Variants in MARCHF1 observed in about 807,000 individuals in gnomAD.
MARCHF1 encodes membrane associated ring-CH-type finger 1, also known as E3 ubiquitin-protein ligase MARCHF1.
In MARCHF1, 40 loss-of-function variants were observed where a neutral mutation model predicts 54.2. The ratio of observed to expected loss-of-function variants is 0.74; its 90% CI spans 0.57 to 0.96. The LOEUF (loss-of-function observed/expected upper bound fraction) is 0.96. Ranked by LOEUF, MARCHF1 falls within the 40% of genes least tolerant of loss-of-function variation. The probability of loss-of-function intolerance (pLI) is 0.00; values close to 1 mark genes in which losing one functional copy is unlikely to be tolerated. For synonymous variants in MARCHF1, 236 were observed against 236.3 expected (o/e 1.00, Z 0.01); for missense variants, 586 against 656.5 (o/e 0.89, Z 1.17).
At chr4:163,666,672 C>A (rs1314664972) in intron 5 of MARCHF1, among the ~76,000 whole-genome samples, 1 of 151,876 alleles carries the variant, frequency 6.6e-6, no homozygotes, top group Non-Finnish European at 1.5e-5. Flanking sequence ...ACAGTAGGAT[C>A]AGACAGAAGA....
chr4:163,866,044 A>G (rs905235021), intron 3 of MARCHF1, among the ~76,000 whole-genome samples: 44 of 151,834 alleles, frequency 2.9e-4, no homozygotes, highest in African/African-American at 9.9e-4. Flanking sequence ...ACTCTTCTAA[A>G]AGAGTTATAT....
At chr4:163,721,640 C>A (rs1317547232) in intron 4 of MARCHF1, among the ~76,000 whole-genome samples, 1 of 152,134 alleles carries the variant, frequency 6.6e-6, no homozygotes, top group Non-Finnish European at 1.5e-5. Context: ...TAGAATTCGG[C>A]TGTAAATCCA....
In MARCHF1 at chr4:163,837,132, C is replaced by T. The variant is rs370958225; in HGVS notation, c.111+16889G>A. ...TTGGTGGATTCAGAATCAAACATACCATTTTCATGAATCACAATTAAGGGA... is the reference window on the plus strand; with the variant it reads ...TTGGTGGATTCAGAATCAAACATACTATTTTCATGAATCACAATTAAGGGA... On this transcript the variant is annotated intron_variant, in intron 4 of 9. Coordinates refer to ENST00000514618, the MANE Select transcript of MARCHF1 (RefSeq NM_001394959.1). 2.0e-5 allele frequency among the ~76,000 whole-genome samples: 3 copies of T among 152,122 alleles called. No individual in the cohort carries two copies. In the East Asian group the frequency reaches 5.8e-4, roughly 29 times the overall value.
intron 1 of MARCHF1, among the ~76,000 whole-genome samples, chr4:164,163,052 C>A (rs1730281321): frequency 6.6e-6 from 1 of 151,896 alleles, no homozygotes; most frequent in Admixed American, 6.6e-5. Flanking sequence ...ATGAAGAAGA[C>A]AAATTAAGAA....
At chr4:164,112,498 T>G (rs1202694122) in intron 1 of MARCHF1, among the ~76,000 whole-genome samples, 1 of 151,918 alleles carries the variant, frequency 6.6e-6, no homozygotes, top group African/African-American at 2.4e-5. Flanking sequence ...TGATCATTTT[T>G]TCAAAGAATG....
At chr4:163,855,433 A>G (rs1749745086) in intron 3 of MARCHF1, among the ~76,000 whole-genome samples, 5 of 152,190 alleles carry the variant, frequency 3.3e-5, no homozygotes, top group Admixed American at 3.3e-4. Flanking sequence ...TCAATACAAA[A>G]TCTGCATATT....
intron 1 of MARCHF1, among the ~76,000 whole-genome samples, chr4:164,132,838 T>C (rs1354455419): frequency 6.6e-6 from 1 of 152,176 alleles, no homozygotes; most frequent in Non-Finnish European, 1.5e-5. Flanking sequence ...TGTATATTTA[T>C]TTATAAATTA....
rs369421941 is a variant in MARCHF1 at position 164,144,262 on chromosome 4, T to C, written c.-322-32600A>G. ...CCACTGTCAACATTAGACAGATCAATGAGACAGAAAGTCAACAAGGATACC... is the reference window on the plus strand; with the variant it reads ...CCACTGTCAACATTAGACAGATCAACGAGACAGAAAGTCAACAAGGATACC... On this transcript the variant is annotated intron_variant, in intron 1 of 9. Transcript: ENST00000514618. Among the ~76,000 whole-genome samples, 94 of 151,504 alleles carry C rather than the reference T, an allele frequency of 6.2e-4. 1 individual carries two copies. The highest frequency in any genetic ancestry group is 8.5e-4 in the African/African-American group (35 of 40,978).
intron 1 of MARCHF1, among the ~76,000 whole-genome samples, chr4:164,254,903 A>T (rs1733234961): frequency 6.6e-6 from 1 of 152,198 alleles, no homozygotes; most frequent in South Asian, 2.1e-4. Context: ...AGACACACCC[A>T]GGATTAATAC....
At chr4:163,602,065 G>T (rs1164377534) in intron 7 of MARCHF1, among the ~76,000 whole-genome samples, 1 of 151,558 alleles carries the variant, frequency 6.6e-6, no homozygotes, top group African/African-American at 2.4e-5. Flanking sequence ...AAGATAACAT[G>T]CCATTTCTAC....
At chr4:163,786,520 A>T (rs944830641) in intron 4 of MARCHF1, among the ~76,000 whole-genome samples, 8 of 152,046 alleles carry the variant, frequency 5.3e-5, no homozygotes, top group Admixed American at 2.0e-4. Flanking sequence ...ATTGGCAGTA[A>T]TAAGACATTA....
At chr4:164,056,727 C>T (rs1754497971) in intron 2 of MARCHF1, among the ~76,000 whole-genome samples, 1 of 152,192 alleles carries the variant, frequency 6.6e-6, no homozygotes, top group South Asian at 2.1e-4. Context: ...GGCATTCAGG[C>T]ATTGTCTGTG....
At chr4:163,770,846 T>C (rs1579273495) in intron 4 of MARCHF1, among the ~76,000 whole-genome samples, 1 of 152,198 alleles carries the variant, frequency 6.6e-6, no homozygotes, top group African/African-American at 2.4e-5. Flanking sequence ...TATCAGACAG[T>C]TATGATCTTT....
At chr4:164,071,758 C>A (rs1472764458) in intron 2 of MARCHF1, among the ~76,000 whole-genome samples, 3 of 152,048 alleles carry the variant, frequency 2.0e-5, no homozygotes, top group Non-Finnish European at 4.4e-5. Flanking sequence ...TTTAAAATTT[C>A]TCACCCTGCT....
chr4:163,729,074 T>G (rs1253746436), intron 4 of MARCHF1, among the ~76,000 whole-genome samples: 4 of 151,700 alleles, frequency 2.6e-5, no homozygotes, highest in Non-Finnish European at 1.5e-5. Flanking sequence ...ATTAAATAAA[T>G]TAATTTTTTG....
At chr4:163,989,135 G>T (rs888551454) in intron 2 of MARCHF1, among the ~76,000 whole-genome samples, 2 of 152,112 alleles carry the variant, frequency 1.3e-5, no homozygotes, top group African/African-American at 2.4e-5. Flanking sequence ...ATAAGCAGAC[G>T]GCTGAAAAGC....
In MARCHF1 at chr4:163,550,296, A is replaced by AAAGAAAAG. The variant is rs1553991104; in HGVS notation, c.1192-4554_1192-4553insCTTTTCTT. Among the ~76,000 whole-genome samples, 564 of 148,180 alleles carry AAAGAAAAG rather than the reference A, an allele frequency of 3.8e-3. 5 individuals carry two copies. The highest frequency in any genetic ancestry group is 0.013 in the African/African-American group (508 of 39,456). On this transcript the variant is annotated intron_variant, in intron 8 of 9. Transcript: ENST00000514618. ...GACTCCGTCTCAAAAAAAAAAAAAA[A>AAAGAAAAG]AAAAGAAAAGAAAAGAAAAGAAAAA...
intron 1 of MARCHF1, among the ~76,000 whole-genome samples, chr4:164,235,482 A>AATTT (rs1560966503): frequency 2.0e-5 from 3 of 152,114 alleles, no homozygotes. Flanking sequence ...GTTGTCGTTT[A>AATTT]CTTCTTAAGT....
At chr4:164,013,936 A>G (rs1753481400) in intron 2 of MARCHF1, among the ~76,000 whole-genome samples, 1 of 152,128 alleles carries the variant, frequency 6.6e-6, no homozygotes, top group African/African-American at 2.4e-5. Context: ...AGGCCAAGGC[A>G]GGTGGATCAG....
Sources: allele counts gnomAD v4.1 joint callset (sites outside exome capture counted in the v4.1 genomes callset), GRCh38; gene constraint gnomAD v4.1.1; transcripts MANE v1.5; gene names NCBI Gene and HGNC (gene_info 2026-07-23, HGNC 2026-07-21).